The following FNBP4 variants were observed in gnomAD, a reference collection of about 807,000 sequenced individuals.
FNBP4 encodes formin binding protein 4.
Under a neutral mutation model 119.3 loss-of-function variants are expected in FNBP4, and 34 were observed. The observed-to-expected ratio is 0.28, with a 90% CI of 0.22 to 0.38. FNBP4 has a LOEUF of 0.38. Ranked by LOEUF, FNBP4 falls within the 10% of genes least tolerant of loss-of-function variation. FNBP4 has a pLI of 1.00. For missense variants in FNBP4, 1,112 were observed against 1,228.9 expected, an observed-to-expected ratio of 0.90 and a Z score of 1.42; for synonymous variants, 462 against 430.6, an observed-to-expected ratio of 1.07 and a Z score of -0.90.
chr11:47,767,322 G>A lies in FNBP4; in HGVS notation c.-34C>T, dbSNP rs748324054. The A allele has an allele frequency of 3.5e-6, 5 of 1,443,064 alleles. No homozygotes were observed. The highest frequency in any genetic ancestry group is 1.4e-5 in the South Asian group (1 of 70,950). The allele number at this position is 1,443,064 out of a possible 1,614,324, so 89.4% of individuals were successfully genotyped here. On this transcript the variant is annotated 5_prime_UTR_variant, in exon 1 of 17. Coordinates refer to ENST00000263773, the MANE Select transcript of FNBP4 (RefSeq NM_015308.5). Reference sequence around the variant, plus strand: ...CAAGCGCGAGCAGAGAGCGTCGGGCGGCCGAGAGGGGCGGGCACTGGAGGC... The same window carrying A: ...CAAGCGCGAGCAGAGAGCGTCGGGCAGCCGAGAGGGGCGGGCACTGGAGGC...
At chr11:47,735,947 G>A (rs1179543858) in intron 9 of FNBP4, among the ~76,000 whole-genome samples, 2 of 151,954 alleles carry the variant, frequency 1.3e-5, no homozygotes, top group African/African-American at 4.8e-5. Flanking sequence ...GCGTGGTGGC[G>A]GGCACCTGTA....
Position 47,732,734 on chromosome 11 carries a change from GGA to G in FNBP4, c.1687-66_1687-65del. On this transcript the variant is annotated intron_variant, in intron 10 of 16. Transcript: ENST00000263773. The surrounding 1 kb of genome is among the most constrained non-coding windows in gnomAD (Gnocchi z 4.2). The stretch of plus-strand genomic sequence containing the variant: ...ACATGTCAGGAGACACAGGCAAAGG[GGA>G]TATAAACCTTCTGCTCCAAGACTAT... 6.7e-7 allele frequency: 1 copy of G among 1,499,836 alleles called. No individual in the cohort carries two copies. The highest frequency in any genetic ancestry group is 1.4e-5 in the African/African-American group (1 of 72,534). The allele number at this position is 1,499,836 out of a possible 1,614,324, so 92.9% of individuals were successfully genotyped here. A position where few individuals can be genotyped will look rare whatever the true frequency, so the allele number is the denominator to read the frequency against.
intron 12 of FNBP4, chr11:47,725,062 C>T (rs73451032): frequency 0.012 from 3,287 of 278,144 alleles, 48 homozygotes; most frequent in African/African-American, 0.046. Context: ...AGCACCTTCC[C>T]CATCTGTATT....
intron 8 of FNBP4, among the ~76,000 whole-genome samples, chr11:47,738,813 T>C (rs886702065): frequency 2.0e-5 from 3 of 148,164 alleles, no homozygotes; most frequent in African/African-American, 7.4e-5. Context: ...TCCAAGTAGC[T>C]GGGGCTTCAG....
chr11:47,748,270 AAAAATAAAAT>A (rs939568020), intron 6 of FNBP4, among the ~76,000 whole-genome samples: 2 of 151,512 alleles, frequency 1.3e-5, no homozygotes, highest in African/African-American at 2.4e-5. Context: ...AATAAAAAAT[AAAAATAAAAT>A]AAAATAAAAT....
intron 11 of FNBP4, chr11:47,731,788 C>G: frequency 1.6e-6 from 2 of 1,247,992 alleles, no homozygotes; most frequent in South Asian, 3.4e-5. Context: ...CCTGAACCCT[C>G]TCACTCCAAC....
At position 47,723,157 on chromosome 11, in the gene FNBP4, G is replaced by C; in HGVS notation, c.2624C>G (p.Ala875Gly). ...CACTCCAATTGGGACAGAACATTCT[G>C]CATAACTCATAATTGCAGGTGCTGC... is the stretch of plus-strand genomic sequence containing the variant. ...LAAAPAIMSY[A>G]ECSVPIGVTA... is the part of the protein sequence containing the mutation. The change falls in exon 15 of 17, where the codon GCA becomes GGA. Residue 875 changes from alanine (A) to glycine (G), a missense_variant. Physicochemically the swap from Ala to Gly is moderately conservative, Grantham distance 60. This residue lies in a region of FNBP4 where 826 missense variants were observed against 988.8 expected (regional missense o/e 0.84). Coordinates refer to ENST00000263773, the MANE Select transcript of FNBP4 (RefSeq NM_015308.5). The C allele has an allele frequency of 6.2e-7, 1 of 1,614,032 alleles. No individual in the cohort carries two copies. The highest frequency in any genetic ancestry group is 8.5e-7 in the Non-Finnish European group (1 of 1,180,006).
At chr11:47,753,701 TG>T (rs2097609353) in intron 3 of FNBP4, among the ~76,000 whole-genome samples, 1 of 151,146 alleles carries the variant, frequency 6.6e-6, no homozygotes, top group Admixed American at 6.6e-5. Context: ...GAGGCTGAGG[TG>T]GGAGAATTAC....
At chr11:47,738,022 C>T (rs1197646613) in intron 8 of FNBP4, among the ~76,000 whole-genome samples, 2 of 152,078 alleles carry the variant, frequency 1.3e-5, no homozygotes, top group Admixed American at 1.3e-4. Flanking sequence ...GCATTACAGG[C>T]GTTAGCCACC....
At chr11:47,754,991 A>C (rs2097613545) in intron 2 of FNBP4, among the ~76,000 whole-genome samples, 1 of 151,946 alleles carries the variant, frequency 6.6e-6, no homozygotes, top group Admixed American at 6.6e-5. Context: ...AAAATACAAA[A>C]AATTAGCCAG....
chr11:47,731,051 T>C (rs953964780), intron 12 of FNBP4, among the ~76,000 whole-genome samples: 3 of 152,218 alleles, frequency 2.0e-5, no homozygotes, highest in African/African-American at 4.8e-5. Context: ...ACAGTTCAAC[T>C]ATCTAGTTCC....
At chr11:47,740,311 A>C (rs574675243) in intron 8 of FNBP4, among the ~76,000 whole-genome samples, 1,678 of 150,354 alleles carry the variant, frequency 0.011, 24 homozygotes, top group African/African-American at 0.031. Context: ...GCTACTCGGG[A>C]GGCTGAGATA....
intron 9 of FNBP4, among the ~76,000 whole-genome samples, chr11:47,734,858 A>C (rs1338879063): frequency 6.6e-6 from 1 of 151,982 alleles, no homozygotes; most frequent in Admixed American, 6.6e-5. Flanking sequence ...CTGTAGTCCC[A>C]GCTACTCGGG....
intron 4 of FNBP4, among the ~76,000 whole-genome samples, chr11:47,752,436 A>C (rs1379509154): frequency 2.6e-5 from 4 of 151,546 alleles, no homozygotes; most frequent in African/African-American, 9.7e-5. Context: ...AAAAAAAAAA[A>C]AAAACAATTA....
At position 47,731,599 on chromosome 11, in the gene FNBP4, G is replaced by A. The variant is rs371506810; in HGVS notation, c.1821-38C>T. On this transcript the variant is annotated intron_variant, in intron 11 of 16. Transcript: ENST00000263773. The stretch of plus-strand genomic sequence containing the variant: ...AAAGAAAACACATGTTTTAAAACCC[G>A]TTCTCCTACAAAGACACTTCCATTT... 2.9e-4 allele frequency: 456 copies of A among 1,573,400 alleles called. 2 individuals are homozygous for A. In the South Asian group the frequency reaches 4.8e-3, roughly 17 times the overall value.
At position 47,732,691 on chromosome 11, in the gene FNBP4, A is replaced by AT; in HGVS notation, c.1687-22_1687-21insA. On this transcript the variant is annotated intron_variant, in intron 10 of 16. Coordinates refer to ENST00000263773, the MANE Select transcript of FNBP4 (RefSeq NM_015308.5). This position sits in a 1 kb window ranked among gnomAD's most constrained non-coding sequence, Gnocchi z 4.2. ...CGAGTCTAGAATAAACAGACAAATA[A>AT]GTTAAAGACTTATTATTACATGTCA... is the stretch of plus-strand genomic sequence containing the variant. 1.2e-6 allele frequency: 2 copies of AT among 1,610,692 alleles called. No homozygotes were observed. The highest frequency in any genetic ancestry group is 1.7e-6 in the Non-Finnish European group (2 of 1,176,854).
intron 8 of FNBP4, among the ~76,000 whole-genome samples, chr11:47,738,189 C>T (rs1356835987): frequency 6.6e-6 from 1 of 152,206 alleles, no homozygotes; most frequent in African/African-American, 2.4e-5. Context: ...TAAAACGGAG[C>T]ACACAATATG....
intron 12 of FNBP4, chr11:47,729,486 TCA>T (rs2097564992): frequency 1.0e-6 from 1 of 985,404 alleles, no homozygotes; most frequent in Non-Finnish European, 1.2e-6. Flanking sequence ...TCTTGGCTTC[TCA>T]CAGTGTAATT....
chr11:47,764,521 GTTTGT>G (rs1412629425), intron 2 of FNBP4, among the ~76,000 whole-genome samples: 1 of 148,682 alleles, frequency 6.7e-6, no homozygotes. Context: ...GGGGTGTTTT[GTTTGT>G]TTTTTTTTTT....
Sources: allele counts gnomAD v4.1 joint callset (sites outside exome capture counted in the v4.1 genomes callset), GRCh38; gene constraint gnomAD v4.1.1; regional missense constraint gnomAD v4.1.1; non-coding constraint Gnocchi (gnomAD v3.1); transcripts MANE v1.5; gene names NCBI Gene and HGNC (gene_info 2026-07-23, HGNC 2026-07-21).